The following ESR1 variants were observed in gnomAD, a reference collection of about 807,000 sequenced individuals.
ESR1 encodes the protein estrogen receptor.
Under a neutral mutation model 52.7 loss-of-function variants are expected in ESR1, and 12 were observed. The ratio of observed to expected loss-of-function variants is 0.23; its 90% CI spans 0.15 to 0.37. The LOEUF (loss-of-function observed/expected upper bound fraction) is 0.37. Ranked by LOEUF, ESR1 falls within the 10% of genes least tolerant of loss-of-function variation. The pLI is 1.00. For synonymous variants in ESR1, 305 were observed against 316.8 expected, an observed-to-expected ratio of 0.96 and a Z score of 0.39; for missense variants, 584 against 779.7, an observed-to-expected ratio of 0.75 and a Z score of 2.99.
chr6:152,099,127 G>A lies in ESR1; in HGVS notation c.*161G>A, dbSNP rs2050867346. On this transcript the variant is annotated 3_prime_UTR_variant, in exon 8 of 8. Transcript: ENST00000206249. ...CATTCATTTGCTTGCTCAGTTCTTA[G>A]TGGCACATCTTCTGTCTTCTGTTGG... 1.5e-6 allele frequency: 1 copy of A among 662,014 alleles called. No homozygotes were observed. The highest frequency in any genetic ancestry group is 1.7e-5 in the South Asian group (1 of 58,828). The allele number at this position is 662,014 out of a possible 1,614,324, so 41.0% of individuals were successfully genotyped here.
At chr6:151,704,924 G>A (rs1303837375) in intron 2 of ESR1, among the ~76,000 whole-genome samples, 3 of 150,900 alleles carry the variant, frequency 2.0e-5, no homozygotes, top group African/African-American at 7.3e-5. Flanking sequence ...ATGTATGCAG[G>A]CAGAGGGCTT....
At chr6:151,729,123 G>T (rs557452874) in intron 2 of ESR1, among the ~76,000 whole-genome samples, 10 of 152,296 alleles carry the variant, frequency 6.6e-5, no homozygotes, top group Admixed American at 2.0e-4. Context: ...AGGAGAGGCT[G>T]TTGAGAGGTG....
intron 2 of ESR1, among the ~76,000 whole-genome samples, chr6:151,706,425 G>C (rs1357196846): frequency 6.6e-6 from 1 of 152,166 alleles, no homozygotes; most frequent in Admixed American, 6.5e-5. Flanking sequence ...TGGGTCTTGG[G>C]AAGAAGAGGT....
At chr6:152,063,492 T>C (rs1308704410) in intron 6 of ESR1, among the ~76,000 whole-genome samples, 1 of 152,166 alleles carries the variant, frequency 6.6e-6, no homozygotes, top group East Asian at 1.9e-4. Context: ...TCCTCATGTC[T>C]CCTATTGTTC....
At chr6:151,824,643 G>A (rs1430554307) in intron 1 of ESR1, among the ~76,000 whole-genome samples, 1 of 152,140 alleles carries the variant, frequency 6.6e-6, no homozygotes, top group Non-Finnish European at 1.5e-5. Context: ...AAAGTATAAG[G>A]GAAAATGTTA....
chr6:151,763,565 C>T (rs1015196789), intron 2 of ESR1, among the ~76,000 whole-genome samples: 3 of 152,084 alleles, frequency 2.0e-5, no homozygotes, highest in Non-Finnish European at 4.4e-5. Flanking sequence ...ACTGACAGGA[C>T]GGTGTTGCCT....
intron 1 of ESR1, among the ~76,000 whole-genome samples, chr6:151,699,842 C>A (rs1779634806): frequency 6.6e-6 from 1 of 152,058 alleles, no homozygotes; most frequent in Non-Finnish European, 1.5e-5. Flanking sequence ...CAAGCCTATG[C>A]AGCAAGAAGC....
intron 1 of ESR1, chr6:151,690,757 T>A (rs1443119274): frequency 6.6e-6 from 1 of 152,244 alleles, no homozygotes; most frequent in African/African-American, 2.4e-5. Flanking sequence ...AGCTTACCTC[T>A]CATCTTTAAA....
intron 6 of ESR1, among the ~76,000 whole-genome samples, chr6:152,092,322 G>A (rs2050251105): frequency 6.6e-6 from 1 of 152,160 alleles, no homozygotes; most frequent in Non-Finnish European, 1.5e-5. Context: ...TCAACTGCAT[G>A]GAAACCAAGA....
At chr6:151,746,639 T>C (rs1783504297) in intron 2 of ESR1, among the ~76,000 whole-genome samples, 1 of 152,174 alleles carries the variant, frequency 6.6e-6, no homozygotes, top group Non-Finnish European at 1.5e-5. Flanking sequence ...TGAGTCTGAT[T>C]TGAGGTGAAA....
At chr6:151,998,963 T>G (rs2041729579) in intron 4 of ESR1, among the ~76,000 whole-genome samples, 1 of 152,034 alleles carries the variant, frequency 6.6e-6, no homozygotes, top group African/African-American at 2.4e-5. Flanking sequence ...AAGGGCTGAG[T>G]GGACAGTCCA....
intron 3 of ESR1, among the ~76,000 whole-genome samples, chr6:151,894,362 C>T (rs1199923688): frequency 1.3e-5 from 2 of 152,080 alleles, no homozygotes; most frequent in Non-Finnish European, 2.9e-5. Flanking sequence ...TCTGCTGCTG[C>T]TCCTTTTGTG....
chr6:151,880,865 GT>G (rs1792786832), intron 3 of ESR1, 94 bp downstream of exon 3: 2 of 716,884 alleles, frequency 2.8e-6, no homozygotes, highest in Non-Finnish European at 5.0e-6. Flanking sequence ...GGAATTTTGT[GT>G]TTTTTTCTTT....
chr6:152,035,495 A>G (rs2045210662), intron 5 of ESR1, among the ~76,000 whole-genome samples: 1 of 152,242 alleles, frequency 6.6e-6, no homozygotes, highest in African/African-American at 2.4e-5. Flanking sequence ...TATTGAAAAT[A>G]CATCAATTCT....
At chr6:151,868,127 T>TG (rs574803220) in intron 2 of ESR1, among the ~76,000 whole-genome samples, 115 of 151,684 alleles carry the variant, frequency 7.6e-4, no homozygotes, top group African/African-American at 2.5e-3. Context: ...CTTTGTTTTT[T>TG]TTTGTTTGTT....
At chr6:151,953,386 C>T (rs368225804) in intron 4 of ESR1, among the ~76,000 whole-genome samples, 27 of 152,154 alleles carry the variant, frequency 1.8e-4, no homozygotes, top group African/African-American at 6.5e-4. Flanking sequence ...GGGAGAAAAT[C>T]AGTGTGGCCT....
At chr6:151,964,892 T>G (rs865997188) in intron 4 of ESR1, among the ~76,000 whole-genome samples, 1 of 152,186 alleles carries the variant, frequency 6.6e-6, no homozygotes, top group African/African-American at 2.4e-5. Flanking sequence ...TCCACCCGCC[T>G]CAGCCTTCCA....
At chr6:151,666,989 G>A (rs1053058494) in intron 1 of ESR1, among the ~76,000 whole-genome samples, 16 of 152,108 alleles carry the variant, frequency 1.1e-4, no homozygotes, top group Admixed American at 7.9e-4. Context: ...GAAAATGGAA[G>A]GGTAGTTGAA....
chr6:151,809,580 A>C (rs1365871633), intron 1 of ESR1, among the ~76,000 whole-genome samples: 2 of 152,112 alleles, frequency 1.3e-5, no homozygotes, highest in Non-Finnish European at 2.9e-5. Context: ...TAAGCCGTGG[A>C]CCAGTTTTTG....
Sources: allele counts gnomAD v4.1 joint callset (sites outside exome capture counted in the v4.1 genomes callset), GRCh38; gene constraint gnomAD v4.1.1; transcripts MANE v1.5; gene names NCBI Gene and HGNC (gene_info 2026-07-23, HGNC 2026-07-21).